GOSR2: variants seen among roughly 807,000 people sequenced by gnomAD.
GOSR2 encodes 27 kDa Golgi SNARE protein.
GOSR2 carries 20 observed loss-of-function variants against 27.9 expected under a neutral mutation model. That is an observed-to-expected ratio of 0.72 (90% confidence interval 0.50 to 1.04). The LOEUF is 1.04. GOSR2 is among the 50% of genes least tolerant of loss of function. The probability of loss-of-function intolerance (pLI) is 0.00; values close to 1 mark genes in which losing one functional copy is unlikely to be tolerated. For missense variants in GOSR2, 261 were observed against 270.5 expected (o/e 0.97, Z 0.25); for synonymous variants, 91 against 98.8 (o/e 0.92, Z 0.47).
chr17:46,940,614 G>T lies in GOSR2; in HGVS notation c.*1854G>T. On this transcript the variant is annotated 3_prime_UTR_variant, in exon 6 of 6. Coordinates refer to ENST00000640051, the MANE Select transcript of GOSR2 (RefSeq NM_004287.5). ...AGGAAGGTCTGCAGGGAGCAGCTGA[G>T]CCATTTGTTCTTGAACTCTGGGAGG... 6.2e-7 allele frequency: 1 copy of T among 1,614,144 alleles called. No homozygotes were observed. Among genetic ancestry groups the T allele is most frequent in the Non-Finnish European group, 8.5e-7 (1 of 1,180,034 alleles).
chr17:46,960,239 C>T (rs74523434), intron 6 of GOSR2, among the ~76,000 whole-genome samples: 2,411 of 152,256 alleles, frequency 0.016, 63 homozygotes, highest in African/African-American at 0.055. Context: ...CACTTAAGAA[C>T]ATGAAAAGAT....
In GOSR2 at chr17:46,923,349, G is replaced by T. The variant is rs1703864283; in HGVS notation, c.29+128G>T. ...GTTTTTCCGCCAGGGCACTGCTGGG[G>T]ATGCCTCCGAAGTGCTTAATCCTTG... On this transcript the variant is annotated intron_variant, in intron 1 of 5. Transcript: ENST00000640051. The T allele has an allele frequency of 3.0e-5, 45 of 1,519,218 alleles. No homozygotes were observed. The South Asian group carries it at 4.4e-4, about 15-fold the overall frequency. 94.1% of individuals were successfully genotyped at this position (1,519,218 alleles called of 1,614,324 possible).
chr17:46,968,127 T>G (rs1449005662), downstream of GOSR2, among the ~76,000 whole-genome samples: 3 of 152,038 alleles, frequency 2.0e-5, no homozygotes, highest in Non-Finnish European at 4.4e-5. Flanking sequence ...CTCACTGCTG[T>G]TCCTTCTCTT....
chr17:46,965,845 G>C lies in GOSR2; in HGVS notation c.584-689G>C, dbSNP rs375372902. Among the ~76,000 whole-genome samples, 4 of 148,400 alleles carry C rather than the reference G, an allele frequency of 2.7e-5. No individual in the cohort carries two copies. The East Asian group carries it at 5.9e-4, about 22-fold the overall frequency. The stretch of plus-strand genomic sequence containing the variant: ...GGGGTCTCATTATGTTGCCCAGGTT[G>C]GTCTTGAACTCCTGGTCTCAAGTGA... On this transcript the variant is annotated intron_variant, in intron 6 of 6. Transcript: ENST00000573224.
At chr17:46,970,861 C>T (rs1427524214), downstream of GOSR2, among the ~76,000 whole-genome samples, 3 of 152,188 alleles carry the variant, frequency 2.0e-5, no homozygotes, top group Non-Finnish European at 2.9e-5. Flanking sequence ...TCACGGTATA[C>T]GTTCAAAGTG....
At chr17:46,943,556 T>C (rs970853439), downstream of GOSR2, among the ~76,000 whole-genome samples, 1 of 152,212 alleles carries the variant, frequency 6.6e-6, no homozygotes, top group Non-Finnish European at 1.5e-5. Context: ...ACTGCACGCT[T>C]CCTGCGGAAT....
Position 46,938,647 on chromosome 17 carries a change from A to G in GOSR2, c.526A>G (p.Asn176Asp), listed in dbSNP as rs769347040. Residue 176 changes from asparagine (N) to aspartate (D), a missense_variant, in exon 6 of 6, where the codon AAC (asparagine) becomes GAC (aspartate). By Grantham distance (23) the Asn-to-Asp change is conservative. Coordinates refer to ENST00000640051, the MANE Select transcript of GOSR2 (RefSeq NM_004287.5). ...LDIANMLGLS[N>D]TVMRLIEKRA... ...CATTGCCAACATGCTGGGCTTGTCC[A>G]ACACAGTGATGCGGCTCATCGAGAA... is the stretch of plus-strand genomic sequence containing the variant. 8 of 1,614,090 alleles carry G rather than the reference A, an allele frequency of 5.0e-6. 1 individual carries two copies. In the South Asian group the frequency reaches 8.8e-5, roughly 18 times the overall value.
chr17:46,939,599 G>T lies in GOSR2; in HGVS notation c.*839G>T. 1.0e-6 allele frequency: 1 copy of T among 985,554 alleles called. No individual in the cohort carries two copies. The highest frequency in any genetic ancestry group is 1.2e-6 in the Non-Finnish European group (1 of 829,976). The allele number at this position is 985,554 out of a possible 1,614,324, so 61.1% of individuals were successfully genotyped here. ...AAAGATTTGTGATTTTCCAATTACA[G>T]TCTCAGCTCTAGTTTTAGTATCTCT... On this transcript the variant is annotated 3_prime_UTR_variant, in exon 6 of 6. Transcript: ENST00000640051.
At chr17:46,968,399 A>T (rs1204036910), downstream of GOSR2, among the ~76,000 whole-genome samples, 1 of 152,144 alleles carries the variant, frequency 6.6e-6, no homozygotes, top group Admixed American at 6.5e-5. Flanking sequence ...TGAATGTGTG[A>T]CTCATTCCCA....
Position 46,939,688 on chromosome 17 carries a change from GC to G in GOSR2, c.*931del. 4 of 985,504 alleles carry G rather than the reference GC, an allele frequency of 4.1e-6. No homozygotes were observed. The highest frequency in any genetic ancestry group is 4.8e-6 in the Non-Finnish European group (4 of 830,008). The allele number at this position is 985,504 out of a possible 1,614,324, so 61.0% of individuals were successfully genotyped here. A position where few individuals can be genotyped will look rare whatever the true frequency, so the allele number is the denominator to read the frequency against. On this transcript the variant is annotated 3_prime_UTR_variant, in exon 6 of 6. Coordinates refer to ENST00000640051, the MANE Select transcript of GOSR2 (RefSeq NM_004287.5). Reference sequence around the variant, plus strand: ...CACCTGCCAGCCAGGCCCTCATTTTGCCCAGCCAGTGTGGGCAGATCCCACC... The same window carrying G: ...CACCTGCCAGCCAGGCCCTCATTTTGCCAGCCAGTGTGGGCAGATCCCACC...
chr17:46,942,915 G>A (rs896755824), downstream of GOSR2, among the ~76,000 whole-genome samples: 3 of 152,188 alleles, frequency 2.0e-5, no homozygotes, highest in Non-Finnish European at 2.9e-5. Context: ...GAGCCTCTGT[G>A]AGCCATCCCT....
downstream of GOSR2, among the ~76,000 whole-genome samples, chr17:46,943,928 A>T (rs1019179670): frequency 7.9e-5 from 12 of 152,142 alleles, no homozygotes; most frequent in African/African-American, 2.9e-4. Context: ...ACCCTAGATA[A>T]GCTAAAGGCT....
intron 5 of GOSR2, among the ~76,000 whole-genome samples, chr17:46,938,360 C>T (rs971821693): frequency 2.6e-5 from 4 of 152,124 alleles, no homozygotes; most frequent in Non-Finnish European, 5.9e-5. Flanking sequence ...TATAGTCAGT[C>T]GTTCCAGCAC....
intron 6 of GOSR2, among the ~76,000 whole-genome samples, chr17:46,956,560 C>T (rs968030680): frequency 6.6e-6 from 1 of 152,220 alleles, no homozygotes; most frequent in Non-Finnish European, 1.5e-5. Flanking sequence ...CCTTGGCCTA[C>T]CAAAGTGCTG....
chr17:46,958,327 C>A (rs1299958014), intron 6 of GOSR2, among the ~76,000 whole-genome samples: 1 of 152,240 alleles, frequency 6.6e-6, no homozygotes, highest in African/African-American at 2.4e-5. Context: ...AAGACAGGAT[C>A]TCCATGGCAA....
At chr17:46,935,960 G>T (rs550799589) in intron 5 of GOSR2, 2 of 985,704 alleles carry the variant, frequency 2.0e-6, no homozygotes, top group East Asian at 2.3e-4. Flanking sequence ...ACAGTCACTC[G>T]GAAGTGTGAG....
At position 46,939,312 on chromosome 17, in the gene GOSR2, C is replaced by G. The variant is rs1272001900; in HGVS notation, c.*552C>G. 9.9e-7 allele frequency: 1 copy of G among 1,012,456 alleles called. No individual in the cohort carries two copies. Among genetic ancestry groups the G allele is most frequent in the Non-Finnish European group, 1.2e-6 (1 of 844,110 alleles). 62.7% of individuals were successfully genotyped at this position (1,012,456 alleles called of 1,614,324 possible). A position where few individuals can be genotyped will look rare whatever the true frequency, so the allele number is the denominator to read the frequency against. ...ATGACTGACTGCCAATACTTGTCAC[C>G]ATTCCCTGGAAGCAGCTACCTAGGG... On this transcript the variant is annotated 3_prime_UTR_variant, in exon 6 of 6. Coordinates refer to ENST00000640051, the MANE Select transcript of GOSR2 (RefSeq NM_004287.5).
At chr17:46,923,775 C>T (rs965533062) in intron 1 of GOSR2, 52 of 412,188 alleles carry the variant, frequency 1.3e-4, no homozygotes, top group African/African-American at 1.0e-3. Context: ...CTAAGAAAAT[C>T]AAATTGTAAT....
In GOSR2 at chr17:46,929,563, G is replaced by A; in HGVS notation, c.73G>A (p.Ala25Thr). The stretch of plus-strand genomic sequence containing the variant: ...GTCTTGCATGGGACGCCTGGAGACG[G>A]CAGACAAGCAGTCTGTGCACAGTGA... ...IQSCMGRLETADKQSVHIVEN... is the reference protein window; with the variant it reads ...IQSCMGRLETTDKQSVHIVEN... Residue 25 changes from alanine to threonine, a missense_variant, in exon 2 of 6, where the codon GCA becomes ACA. Physicochemically the swap from Ala to Thr is moderately conservative, Grantham distance 58. Transcript: ENST00000640051. 1 of 1,545,326 alleles carries A rather than the reference G, an allele frequency of 6.5e-7. No individual in the cohort carries two copies. Among genetic ancestry groups the A allele is most frequent in the Non-Finnish European group, 9.0e-7 (1 of 1,117,278 alleles).
Sources: gnomAD v4.1 joint callset for allele counts (sites outside exome capture counted in the v4.1 genomes callset) on GRCh38, gnomAD v4.1.1 for gene constraint, MANE v1.5 for transcripts, NCBI Gene and HGNC (gene_info 2026-07-23, HGNC 2026-07-21) for gene names.